FGF12: variants seen among roughly 807,000 people sequenced by gnomAD.
FGF12 encodes fibroblast growth factor 12.
Under a neutral mutation model 23.6 loss-of-function variants are expected in FGF12, and 14 were observed. That is an observed-to-expected ratio of 0.59 (90% CI 0.39 to 0.93). The LOEUF is 0.93. Ranked by LOEUF, FGF12 falls within the 40% of genes least tolerant of loss-of-function variation. The pLI is 0.00. For missense variants in FGF12, 175 were observed against 217.8 expected, an observed-to-expected ratio of 0.80 and a Z score of 1.24; for synonymous variants, 62 against 77.3, an observed-to-expected ratio of 0.80 and a Z score of 1.04.
At chr3:192,265,534 T>C (rs962918794) in intron 4 of FGF12, 3 of 152,214 alleles carry the variant, frequency 2.0e-5, no homozygotes, top group African/African-American at 4.8e-5. Context: ...TGTAGAGCCA[T>C]GAGCAAAGAA....
chr3:192,409,886 G>C lies in FGF12; in HGVS notation c.14-49348C>G, dbSNP rs1291811128. Among the ~76,000 whole-genome samples, 1 of 151,816 alleles carries C rather than the reference G, an allele frequency of 6.6e-6. No individual in the cohort carries two copies. The highest frequency in any genetic ancestry group is 2.4e-5 in the African/African-American group (1 of 41,388). On this transcript the variant is annotated intron_variant, in intron 2 of 5. Coordinates refer to ENST00000445105, the MANE Select transcript of FGF12 (RefSeq NM_004113.6). This position sits in a 1 kb window ranked among gnomAD's most constrained non-coding sequence, Gnocchi z 4.8. ...TGCGCGGGTGGCCGCTCAGAGCCGC[G>C]GGCTTGCGGGGCGCCCCCCGCCGCC... is the stretch of plus-strand genomic sequence containing the variant.
chr3:192,529,900 G>A (rs1725045136), intron 2 of FGF12, among the ~76,000 whole-genome samples: 1 of 152,134 alleles, frequency 6.6e-6, no homozygotes, highest in Admixed American at 6.5e-5. Context: ...AGATTTGGGT[G>A]GGGTCACAGC....
At chr3:192,671,284 A>G (rs887513280) in intron 2 of FGF12, among the ~76,000 whole-genome samples, 1 of 152,224 alleles carries the variant, frequency 6.6e-6, no homozygotes, top group South Asian at 2.1e-4. Context: ...CTAGTAGTAC[A>G]GTAAAATAAT....
chr3:192,232,498 G>A (rs1366539855), intron 4 of FGF12, among the ~76,000 whole-genome samples: 1 of 139,462 alleles, frequency 7.2e-6, no homozygotes, highest in African/African-American at 2.7e-5. Context: ...ATCAATGGTG[G>A]GCTCCCATGC....
At chr3:192,599,370 C>T (rs1480245586) in intron 2 of FGF12, among the ~76,000 whole-genome samples, 1 of 151,818 alleles carries the variant, frequency 6.6e-6, no homozygotes, top group Non-Finnish European at 1.5e-5. Context: ...AGTAAGTTAA[C>T]TTCTCTGAAT....
At chr3:192,341,720 C>A (rs776424149) in intron 3 of FGF12, among the ~76,000 whole-genome samples, 49 of 152,072 alleles carry the variant, frequency 3.2e-4, no homozygotes, top group Non-Finnish European at 4.9e-4. Flanking sequence ...AGATAATATT[C>A]ATTGACTGTC....
intron 2 of FGF12, among the ~76,000 whole-genome samples, chr3:192,364,320 T>C (rs1457306399): frequency 6.6e-6 from 1 of 152,222 alleles, no homozygotes; most frequent in East Asian, 1.9e-4. Flanking sequence ...GACTCCTTGA[T>C]TTTAAAATTA....
chr3:192,600,050 G>C (rs1225290715), intron 2 of FGF12, among the ~76,000 whole-genome samples: 2 of 151,958 alleles, frequency 1.3e-5, no homozygotes, highest in East Asian at 3.9e-4. Flanking sequence ...GATTCATTTT[G>C]AGTTGATTTT....
At position 192,709,631 on chromosome 3, in the gene FGF12, T is replaced by C. The variant is rs575053552; in HGVS notation, c.13+17550A>G. 3.9e-5 allele frequency among the ~76,000 whole-genome samples: 6 copies of C among 152,340 alleles called. No individual in the cohort carries two copies. In the South Asian group the frequency reaches 1.2e-3, roughly 32 times the overall value. On this transcript the variant is annotated intron_variant, in intron 2 of 5. Transcript: ENST00000445105. ...AGCTGAAAATCACTTTCAAATTCTCTTCTGACCAAGTTAAGACTCTATTAT... is the reference window on the plus strand; with the variant it reads ...AGCTGAAAATCACTTTCAAATTCTCCTCTGACCAAGTTAAGACTCTATTAT...
intron 2 of FGF12, among the ~76,000 whole-genome samples, chr3:192,613,626 T>A (rs1384136451): frequency 6.6e-6 from 1 of 151,894 alleles, no homozygotes; most frequent in East Asian, 1.9e-4. Flanking sequence ...TTACAAATAT[T>A]TACCAAGAGT....
chr3:192,455,398 T>C (rs1446144586), intron 2 of FGF12, among the ~76,000 whole-genome samples: 3 of 152,164 alleles, frequency 2.0e-5, no homozygotes, highest in Non-Finnish European at 4.4e-5. Flanking sequence ...CCAAATCTTA[T>C]GTGGAATTCT....
chr3:192,721,051 G>A (rs1719023872), intron 2 of FGF12, among the ~76,000 whole-genome samples: 1 of 152,196 alleles, frequency 6.6e-6, no homozygotes, highest in Non-Finnish European at 1.5e-5. Context: ...TATTAAAACT[G>A]TAGAATAAGC....
intron 2 of FGF12, among the ~76,000 whole-genome samples, chr3:192,675,897 G>A (rs1221953285): frequency 1.3e-5 from 2 of 152,206 alleles, no homozygotes; most frequent in Non-Finnish European, 2.9e-5. Context: ...TGAATACTTA[G>A]CAAAATCCAC....
chr3:192,350,728 T>C (rs2108721815), intron 3 of FGF12, among the ~76,000 whole-genome samples: 1 of 152,146 alleles, frequency 6.6e-6, no homozygotes, highest in East Asian at 1.9e-4. Flanking sequence ...TGAGGAGGGA[T>C]GAAGGAGACA....
intron 2 of FGF12, among the ~76,000 whole-genome samples, chr3:192,673,840 C>T (rs1201987789): frequency 1.3e-5 from 2 of 151,090 alleles, no homozygotes; most frequent in African/African-American, 4.8e-5. Flanking sequence ...AATAGTGCTG[C>T]ATTAAGCATA....
At chr3:192,391,899 C>T (rs117862215) in intron 2 of FGF12, among the ~76,000 whole-genome samples, 7 of 152,120 alleles carry the variant, frequency 4.6e-5, no homozygotes, top group Admixed American at 6.6e-5. Flanking sequence ...AGATTGGAGA[C>T]GGTAAGACAC....
chr3:192,678,698 G>C (rs1717413523), intron 2 of FGF12, among the ~76,000 whole-genome samples: 1 of 152,152 alleles, frequency 6.6e-6, no homozygotes, highest in Admixed American at 6.5e-5. Context: ...CTTGCATTTA[G>C]TAAGAAGTTC....
intron 2 of FGF12, among the ~76,000 whole-genome samples, chr3:192,396,910 A>G (rs1484979356): frequency 6.6e-6 from 1 of 152,218 alleles, no homozygotes; most frequent in African/African-American, 2.4e-5. Context: ...GAAAATAACA[A>G]GAGTCAGGAC....
chr3:192,438,292 C>A (rs1479426811), intron 2 of FGF12, among the ~76,000 whole-genome samples: 1 of 152,222 alleles, frequency 6.6e-6, no homozygotes, highest in African/African-American at 2.4e-5. Flanking sequence ...TCTACTCTTA[C>A]CTCTCATCCA....
Sources: gnomAD v4.1 joint callset for allele counts (sites outside exome capture counted in the v4.1 genomes callset) on GRCh38, gnomAD v4.1.1 for gene constraint, Gnocchi (gnomAD v3.1) non-coding constraint, MANE v1.5 for transcripts, NCBI Gene and HGNC (gene_info 2026-07-23, HGNC 2026-07-21) for gene names.